ARPP21: variants seen among roughly 807,000 people sequenced by gnomAD.
The protein encoded by ARPP21 is cAMP-regulated phosphoprotein 21.
Under a neutral mutation model 113.2 loss-of-function variants are expected in ARPP21, and 69 were observed. The ratio of observed to expected loss-of-function variants is 0.61; its 90% CI spans 0.50 to 0.74. The LOEUF (loss-of-function observed/expected upper bound fraction) is 0.74, where lower values mean the gene tolerates loss of function less well. ARPP21 is among the 30% of genes least tolerant of loss of function. The pLI, the probability that ARPP21 is intolerant of heterozygous loss-of-function variation, is 0.00. For missense variants in ARPP21, 1,070 were observed against 1,037.4 expected (o/e 1.03, Z -0.43); for synonymous variants, 368 against 375.5 (o/e 0.98, Z 0.23).
chr3:35,692,963 C>T (rs1037529751), intron 9 of ARPP21, among the ~76,000 whole-genome samples: 10 of 151,634 alleles, frequency 6.6e-5, no homozygotes, highest in African/African-American at 2.2e-4. Flanking sequence ...CACTGGAGAA[C>T]ATAATTTGTC....
Position 35,763,888 on chromosome 3 carries a change from G to A in ARPP21, c.2137+19923G>A, listed in dbSNP as rs1217972905. Among the ~76,000 whole-genome samples the A allele has an allele frequency of 2.0e-5, 3 of 152,190 alleles. No individual in the cohort carries two copies. The South Asian group carries it at 6.2e-4, about 32-fold the overall frequency. On this transcript the variant is annotated intron_variant, in intron 19 of 20. Transcript: ENST00000684406. ...AACTCAAATATTATTTTCAGGCCGGGCATGGTAGCTCATGCCTGTAATCCC... is the reference window on the plus strand; with the variant it reads ...AACTCAAATATTATTTTCAGGCCGGACATGGTAGCTCATGCCTGTAATCCC...
chr3:35,655,634 G>C (rs1435834725), intron 1 of ARPP21, among the ~76,000 whole-genome samples: 1 of 151,978 alleles, frequency 6.6e-6, no homozygotes, highest in East Asian at 1.9e-4. Context: ...ATGCCAATTG[G>C]TGATTCAGGG....
chr3:35,707,571 TA>T, intron 10 of ARPP21: 1 of 456,466 alleles, frequency 2.2e-6, no homozygotes, highest in Non-Finnish European at 4.4e-6. Context: ...GCAACTATCC[TA>T]AAATAAGTCT....
At chr3:35,716,477 TAGA>T (rs2092414288) in intron 12 of ARPP21, among the ~76,000 whole-genome samples, 1 of 151,990 alleles carries the variant, frequency 6.6e-6, no homozygotes, top group African/African-American at 2.4e-5. Flanking sequence ...AACCCCTTAA[TAGA>T]ATAACCTCTT....
At chr3:35,753,445 A>C (rs1339698044) in intron 19 of ARPP21, among the ~76,000 whole-genome samples, 1 of 152,032 alleles carries the variant, frequency 6.6e-6, no homozygotes, top group African/African-American at 2.4e-5. Flanking sequence ...ATTTAAAATA[A>C]GAATACTTCC....
chr3:35,741,634 T>G (rs2094665171), intron 18 of ARPP21, among the ~76,000 whole-genome samples: 1 of 152,158 alleles, frequency 6.6e-6, no homozygotes, highest in Non-Finnish European at 1.5e-5. Context: ...ATGGGAGAAG[T>G]GCATATTTTT....
At chr3:35,713,796 T>C (rs1426893392) in intron 11 of ARPP21, among the ~76,000 whole-genome samples, 4 of 152,210 alleles carry the variant, frequency 2.6e-5, no homozygotes, top group Non-Finnish European at 1.5e-5. Flanking sequence ...AAGAGGTCAC[T>C]ATGTCCTTAA....
chr3:35,784,162 T>C (rs2096583191), intron 19 of ARPP21, among the ~76,000 whole-genome samples: 1 of 152,262 alleles, frequency 6.6e-6, no homozygotes, highest in East Asian at 1.9e-4. Flanking sequence ...TTATACCAAG[T>C]GGCAAGAAGA....
At chr3:35,715,348 A>G (rs1465999001) in intron 11 of ARPP21, 91 bp from the exon 12 acceptor site, 1 of 993,132 alleles carries the variant, frequency 1.0e-6, no homozygotes, top group Non-Finnish European at 1.6e-6. Context: ...TTCCCCTATG[A>G]GGGGAAAGTT....
chr3:35,656,803 T>G (rs143067828), intron 1 of ARPP21, among the ~76,000 whole-genome samples: 12 of 152,044 alleles, frequency 7.9e-5, no homozygotes, highest in Admixed American at 5.9e-4. Flanking sequence ...AAAGTCAAAT[T>G]TACTGTATAA....
chr3:35,681,591 C>G, intron 2 of ARPP21, 123 bp from the exon 3 acceptor site: 1 of 590,572 alleles, frequency 1.7e-6, no homozygotes, highest in Non-Finnish European at 3.0e-6. Context: ...TTTTTTCCCC[C>G]TTTTGTATAA....
chr3:35,646,643 T>C (rs2148909219), intron 1 of ARPP21, among the ~76,000 whole-genome samples: 1 of 152,266 alleles, frequency 6.6e-6, no homozygotes, highest in Non-Finnish European at 1.5e-5. Flanking sequence ...TTTAAGCCAA[T>C]GTGGCACATA....
At position 35,681,865 on chromosome 3, in the gene ARPP21, G is replaced by A. The variant is rs375976569; in HGVS notation, c.114G>A (p.Glu38=). The A allele has an allele frequency of 3.1e-6, 5 of 1,611,902 alleles. No individual in the cohort carries two copies. Among genetic ancestry groups the A allele is most frequent in the African/African-American group, 2.7e-5 (2 of 74,754 alleles). The change falls in exon 3 of 21, where the codon GAG becomes GAA. Residue 38 remains glutamate, a synonymous_variant. Transcript: ENST00000684406. ...IVKSESLDEE[E]KLELQRRLEA... ...AATCAGAAAGTCTGGATGAAGAGGA[G>A]AAACTGGAACTGCAGGTGAGTGAGC...
intron 15 of ARPP21, among the ~76,000 whole-genome samples, chr3:35,733,790 T>C (rs2094160778): frequency 6.6e-6 from 1 of 152,176 alleles, no homozygotes; most frequent in African/African-American, 2.4e-5. Context: ...TTTTTTGTAC[T>C]CCCTTCTCTT....
chr3:35,675,596 T>A (rs2077275809), intron 1 of ARPP21, among the ~76,000 whole-genome samples: 1 of 151,804 alleles, frequency 6.6e-6, no homozygotes, highest in African/African-American at 2.4e-5. Context: ...GGGAAAAAAA[T>A]TATAGAGTTG....
At chr3:35,772,172 T>A (rs1187386825) in intron 19 of ARPP21, among the ~76,000 whole-genome samples, 1 of 152,172 alleles carries the variant, frequency 6.6e-6, no homozygotes, top group Admixed American at 6.6e-5. Flanking sequence ...TTTGAAGCAT[T>A]TGTGGGCATC....
At chr3:35,743,563 G>A (rs1256759878) in intron 18 of ARPP21, among the ~76,000 whole-genome samples, 1 of 142,478 alleles carries the variant, frequency 7.0e-6, no homozygotes, top group Non-Finnish European at 1.6e-5. Flanking sequence ...GAAGCTGCAA[G>A]TCTTCTTTAG....
chr3:35,646,410 G>C (rs965677757), intron 1 of ARPP21, among the ~76,000 whole-genome samples: 3 of 152,016 alleles, frequency 2.0e-5, no homozygotes, highest in African/African-American at 7.2e-5. Context: ...GCTAGCATCA[G>C]ATTTGATTTA....
intron 5 of ARPP21, among the ~76,000 whole-genome samples, chr3:35,686,516 T>C (rs1028750557): frequency 3.3e-5 from 5 of 151,654 alleles, no homozygotes; most frequent in African/African-American, 1.2e-4. Context: ...AAACTTAGCT[T>C]CAGAGAACTT....
Sources: allele counts gnomAD v4.1 joint callset (sites outside exome capture counted in the v4.1 genomes callset), GRCh38; gene constraint gnomAD v4.1.1; transcripts MANE v1.5; gene names NCBI Gene and HGNC (gene_info 2026-07-23, HGNC 2026-07-21).